Variants in GCKR observed in about 807,000 individuals in gnomAD.
GCKR encodes the protein glucokinase regulator, also known as glucokinase regulatory protein.
GCKR carries 73 observed loss-of-function variants against 82.9 expected under a neutral mutation model. The ratio of observed to expected loss-of-function variants is 0.88; its 90% CI spans 0.73 to 1.07. The LOEUF (loss-of-function observed/expected upper bound fraction) is 1.07, where lower values mean the gene tolerates loss of function less well. Among genes scored for constraint, GCKR ranks in the 50% least tolerant of loss-of-function variants. The probability of loss-of-function intolerance (pLI) is 0.00; values close to 1 mark genes in which losing one functional copy is unlikely to be tolerated. For missense variants in GCKR, 784 were observed against 782.1 expected, an observed-to-expected ratio of 1.00 and a Z score of -0.03; for synonymous variants, 294 against 291.8, an observed-to-expected ratio of 1.01 and a Z score of -0.08.
intron 16 of GCKR, among the ~76,000 whole-genome samples, chr2:27,516,040 G>A (rs190612392): frequency 1.5e-4 from 23 of 149,338 alleles, no homozygotes; most frequent in African/African-American, 5.4e-4. Context: ...GCCTCCCAAA[G>A]AGCTGGGGTT....
Position 27,509,551 on chromosome 2 carries a change from A to G in GCKR, c.1422+1300A>G, listed in dbSNP as rs1256738819. The G allele has an allele frequency of 5.1e-5, 23 of 446,888 alleles. No individual in the cohort carries two copies. In the Admixed American group the frequency reaches 5.2e-4, roughly 10 times the overall value. The allele number at this position is 446,888 out of a possible 1,614,324, so 27.7% of individuals were successfully genotyped here. A position where few individuals can be genotyped will look rare whatever the true frequency, so the allele number is the denominator to read the frequency against. Reference sequence around the variant, plus strand: ...GAGATCGGGTTTCTCCACATTGCCCAGGCTGTTTGCCAACTCCTAGACTCA... The same window carrying G: ...GAGATCGGGTTTCTCCACATTGCCCGGGCTGTTTGCCAACTCCTAGACTCA... On this transcript the variant is annotated intron_variant, in intron 16 of 18. Coordinates refer to ENST00000264717, the MANE Select transcript of GCKR (RefSeq NM_001486.4).
At chr2:27,514,123 G>C (rs896181952) in intron 16 of GCKR, among the ~76,000 whole-genome samples, 1 of 151,798 alleles carries the variant, frequency 6.6e-6, no homozygotes, top group Non-Finnish European at 1.5e-5. Context: ...ACTGCTACTG[G>C]TGTGTCTTTG....
At chr2:27,501,497 G>A (rs886745309) in intron 8 of GCKR, among the ~76,000 whole-genome samples, 1 of 152,232 alleles carries the variant, frequency 6.6e-6, no homozygotes, top group Non-Finnish European at 1.5e-5. Flanking sequence ...AGGGATTGAA[G>A]AGGCAAGAGA....
At chr2:27,510,630 T>C (rs1669859132) in intron 16 of GCKR, among the ~76,000 whole-genome samples, 1 of 152,164 alleles carries the variant, frequency 6.6e-6, no homozygotes, top group South Asian at 2.1e-4. Context: ...CTGGATAGCA[T>C]CCTTATAAAA....
chr2:27,523,635 A>G lies in GCKR; in HGVS notation c.*196A>G. On this transcript the variant is annotated 3_prime_UTR_variant, in exon 19 of 19. Transcript: ENST00000264717. ...TCTCGACCTAGTGGTTTCTACTCTCACCGACTTATTCTGATTTCAGAAATA... is the reference window on the plus strand; with the variant it reads ...TCTCGACCTAGTGGTTTCTACTCTCGCCGACTTATTCTGATTTCAGAAATA... 2 of 605,394 alleles carry G rather than the reference A, an allele frequency of 3.3e-6. No individual in the cohort carries two copies. The highest frequency in any genetic ancestry group is 2.9e-6 in the Non-Finnish European group (1 of 340,550). 37.5% of individuals were successfully genotyped at this position (605,394 alleles called of 1,614,324 possible).
At chr2:27,502,983 T>C (rs538973473) in intron 8 of GCKR, among the ~76,000 whole-genome samples, 25 of 152,242 alleles carry the variant, frequency 1.6e-4, no homozygotes, top group Admixed American at 2.6e-4. Context: ...TTGTTCCCAA[T>C]TAATTTACTC....
At chr2:27,501,863 G>T (rs1038029471) in intron 8 of GCKR, 1 of 409,768 alleles carries the variant, frequency 2.4e-6, no homozygotes. Context: ...TGCATGAGCT[G>T]CCTGGGGAAT....
At chr2:27,512,684 A>G (rs1669919173) in intron 16 of GCKR, among the ~76,000 whole-genome samples, 1 of 152,216 alleles carries the variant, frequency 6.6e-6, no homozygotes, top group African/African-American at 2.4e-5. Flanking sequence ...ACTATTATCT[A>G]TTATCTAGAC....
At chr2:27,518,392 A>C (rs1034250837) in intron 16 of GCKR, among the ~76,000 whole-genome samples, 6 of 152,186 alleles carry the variant, frequency 3.9e-5, no homozygotes, top group Non-Finnish European at 8.8e-5. Flanking sequence ...ATGGTCTAAA[A>C]AACTGGGGCC....
At chr2:27,506,644 C>G in intron 11 of GCKR, 65 bp downstream of exon 11, 1 of 1,219,542 alleles carries the variant, frequency 8.2e-7, no homozygotes, top group South Asian at 1.2e-5. Flanking sequence ...AGCAGGGAGA[C>G]TCTGTGAGAC....
intron 8 of GCKR, among the ~76,000 whole-genome samples, chr2:27,503,252 C>G (rs935597410): frequency 1.3e-5 from 2 of 152,230 alleles, no homozygotes; most frequent in Non-Finnish European, 2.9e-5. Context: ...GAGCAGGACA[C>G]AAGATAGTTT....
In GCKR at chr2:27,496,973, CCTT is replaced by C; in HGVS notation, c.60+14_60+16del. On this transcript the variant is annotated intron_variant, in intron 1 of 18. Transcript: ENST00000264717. ...AGCCTGGCAAGTGGGAGGTGAGACCCCTTCTTCATGTTGGCTTTCTGTGCTGAT... is the reference window on the plus strand; with the variant it reads ...AGCCTGGCAAGTGGGAGGTGAGACCCCTTCATGTTGGCTTTCTGTGCTGAT... The C allele has an allele frequency of 6.2e-7, 1 of 1,606,254 alleles. No homozygotes were observed. The highest frequency in any genetic ancestry group is 8.5e-7 in the Non-Finnish European group (1 of 1,172,900).
At chr2:27,511,915 C>G (rs1669892328) in intron 16 of GCKR, among the ~76,000 whole-genome samples, 1 of 151,980 alleles carries the variant, frequency 6.6e-6, no homozygotes, top group Admixed American at 6.6e-5. Context: ...GCCATATTTG[C>G]TTCATCTCTT....
chr2:27,497,515 C>G, intron 2 of GCKR, 47 bp from the exon 3 acceptor site: 6 of 1,566,150 alleles, frequency 3.8e-6, no homozygotes, highest in East Asian at 2.2e-5. Flanking sequence ...CTCCCCCATT[C>G]ATCGTCCTCC....
intron 3 of GCKR, 30 bp from the exon 4 acceptor site, chr2:27,498,225 C>G (rs549749020): frequency 1.3e-6 from 2 of 1,554,392 alleles, no homozygotes; most frequent in South Asian, 2.2e-5. Flanking sequence ...GAGCCAGGCC[C>G]TGGTAATATA....
At chr2:27,518,991 G>GC in intron 17 of GCKR, 54 bp downstream of exon 17, 1 of 1,505,934 alleles carries the variant, frequency 6.6e-7, no homozygotes, top group Non-Finnish European at 9.2e-7. Flanking sequence ...TGCTTAGGCT[G>GC]CCAGAGGAGG....
Position 27,505,855 on chromosome 2 carries a change from A to G in GCKR, c.869+19A>G, listed in dbSNP as rs376401967. On this transcript the variant is annotated intron_variant, in intron 10 of 18. Coordinates refer to ENST00000264717, the MANE Select transcript of GCKR (RefSeq NM_001486.4). ...CTCAAAGGTAGGGAGGATCTGGATA[A>G]GAGAGAGCTCAGAGTCAGGCGAGTG... 8.5e-6 allele frequency: 11 copies of G among 1,287,782 alleles called. No individual in the cohort carries two copies. The African/African-American group carries it at 1.3e-4, about 15-fold the overall frequency. 79.8% of individuals were successfully genotyped at this position (1,287,782 alleles called of 1,614,324 possible).
chr2:27,506,516 C>T lies in GCKR; in HGVS notation c.905C>T (p.Ala302Val). ...LLEILRTFER[A>V]HQVTYSQSPK... ...GAAATCTTGCGGACATTTGAGCGAG[C>T]TCATCAGGTGACCTACAGCCAAAGC... The change falls in exon 11 of 19, where the codon GCT becomes GTT. Residue 302 changes from alanine (A) to valine (V), a missense_variant. Ala to Val is a moderately conservative substitution (Grantham distance 64). Transcript: ENST00000264717. The T allele has an allele frequency of 2.5e-6, 4 of 1,613,912 alleles. No individual in the cohort carries two copies. In the South Asian group the frequency reaches 4.4e-5, roughly 18 times the overall value.
Position 27,503,592 on chromosome 2 carries a change from A to T in GCKR, c.723A>T (p.Lys241Asn). The T allele has an allele frequency of 6.2e-7, 1 of 1,607,166 alleles. No homozygotes were observed. The highest frequency in any genetic ancestry group is 8.5e-7 in the Non-Finnish European group (1 of 1,173,642). The change falls in exon 9 of 19, where the codon AAA (lysine) becomes AAT (asparagine). Residue 241 changes from lysine (K) to asparagine (N), a missense_variant. By Grantham distance (94) the Lys-to-Asn change is moderately conservative (BLOSUM62 0). Transcript: ENST00000264717. ...TGCAGAAAATGCAGGAGAAACAGAA[A>T]GCTTTTGTGCTCAATCCTGCCATCG... ...ERMQKMQEKQ[K>N]AFVLNPAIGP...
Sources: allele counts gnomAD v4.1 joint callset (sites outside exome capture counted in the v4.1 genomes callset), GRCh38; gene constraint gnomAD v4.1.1; transcripts MANE v1.5; gene names NCBI Gene and HGNC (gene_info 2026-07-23, HGNC 2026-07-21).